The following RANBP10 variants were observed in gnomAD, a reference collection of about 807,000 sequenced individuals.
RANBP10 encodes the protein RAN binding protein 10, also known as ran-binding protein 10.
In RANBP10, 24 loss-of-function variants were observed where a neutral mutation model predicts 72.8. That is an observed-to-expected ratio of 0.33 (90% confidence interval 0.24 to 0.46). The LOEUF (loss-of-function observed/expected upper bound fraction) is 0.46. Ranked by LOEUF, RANBP10 falls within the 20% of genes least tolerant of loss-of-function variation. The probability of loss-of-function intolerance (pLI) is 1.00; values close to 1 mark genes in which losing one functional copy is unlikely to be tolerated. For synonymous variants in RANBP10, 310 were observed against 322.3 expected, an observed-to-expected ratio of 0.96 and a Z score of 0.41; for missense variants, 679 against 817.5, an observed-to-expected ratio of 0.83 and a Z score of 2.07.
intron 4 of RANBP10, among the ~76,000 whole-genome samples, chr16:67,743,928 G>A (rs1373230960): frequency 1.3e-5 from 2 of 152,172 alleles, no homozygotes; most frequent in Non-Finnish European, 2.9e-5. Flanking sequence ...CAGCACCAAA[G>A]TCTGGGCCAG....
chr16:67,736,629 G>A (rs903472455), intron 5 of RANBP10, among the ~76,000 whole-genome samples: 6 of 152,140 alleles, frequency 3.9e-5, no homozygotes, highest in Non-Finnish European at 8.8e-5. Context: ...GACCGTCACT[G>A]CCTACCATGT....
intron 4 of RANBP10, chr16:67,738,850 C>G (rs1262775217): frequency 6.6e-6 from 1 of 152,238 alleles, no homozygotes; most frequent in Non-Finnish European, 1.5e-5. Context: ...GCTCCTCCAC[C>G]CGCAAAGAAA....
intron 2 of RANBP10, among the ~76,000 whole-genome samples, chr16:67,799,024 C>T (rs1006126729): frequency 3.3e-5 from 5 of 151,870 alleles, no homozygotes; most frequent in African/African-American, 7.3e-5. Context: ...CTCCCAGGTT[C>T]GAGTGATTCT....
rs200679223 is a variant in RANBP10, at chr16:67,727,851, G to A, written c.1520C>T (p.Ala507Val). ...GCCAAACAGAATGATCCTTTCTGTG[G>A]CAGCCTGGTTGCCCCCGCAGAGCTG... ...RRQLCGGNQA[A>V]TERIILFGRE... The change falls in exon 12 of 14, where the codon GCC (alanine) becomes GTC (valine). Residue 507 changes from alanine (A) to valine (V), a missense_variant. Coordinates refer to ENST00000317506, the MANE Select transcript of RANBP10 (RefSeq NM_020850.3). 168 of 1,613,998 alleles carry A rather than the reference G, an allele frequency of 1.0e-4. No homozygotes were observed. Among genetic ancestry groups the A allele is most frequent in the Non-Finnish European group, 1.3e-4 (157 of 1,180,042 alleles).
chr16:67,734,755 A>G (rs2053805756), intron 6 of RANBP10, 103 bp downstream of exon 6: 1 of 1,219,562 alleles, frequency 8.2e-7, no homozygotes, highest in East Asian at 2.9e-5. Flanking sequence ...GAAAGGATCC[A>G]CCCGCTGGAA....
At chr16:67,804,586 A>G (rs953055875) in intron 2 of RANBP10, among the ~76,000 whole-genome samples, 1 of 152,036 alleles carries the variant, frequency 6.6e-6, no homozygotes, top group African/African-American at 2.4e-5. Context: ...ATTTTTTTTT[A>G]GAGATGGGGT....
chr16:67,746,013 G>A (rs922478166), intron 3 of RANBP10, among the ~76,000 whole-genome samples: 18 of 151,770 alleles, frequency 1.2e-4, no homozygotes, highest in African/African-American at 1.7e-4. Flanking sequence ...AAAATTAGCC[G>A]GGCATGGTGG....
chr16:67,735,938 G>A (rs929016969), intron 5 of RANBP10, among the ~76,000 whole-genome samples: 4 of 152,102 alleles, frequency 2.6e-5, no homozygotes, highest in Non-Finnish European at 5.9e-5. Context: ...TCGCTAAGAG[G>A]ATCTTCTGGC....
chr16:67,786,807 A>T (rs2054925005), intron 2 of RANBP10, among the ~76,000 whole-genome samples: 1 of 152,060 alleles, frequency 6.6e-6, no homozygotes, highest in Admixed American at 6.6e-5. Context: ...CACACCTGTT[A>T]TTCCAGCTAC....
intron 2 of RANBP10, among the ~76,000 whole-genome samples, chr16:67,779,051 G>A (rs1163491725): frequency 6.6e-6 from 1 of 151,926 alleles, no homozygotes; most frequent in African/African-American, 2.4e-5. Flanking sequence ...TCCCGCCATT[G>A]CACTCCAGAG....
At chr16:67,788,592 C>T (rs2054961859) in intron 2 of RANBP10, among the ~76,000 whole-genome samples, 1 of 151,040 alleles carries the variant, frequency 6.6e-6, no homozygotes, top group African/African-American at 2.5e-5. Context: ...GGTGTTTCAA[C>T]ATATAACCAG....
At position 67,727,889 on chromosome 16, in the gene RANBP10, C is replaced by A; in HGVS notation, c.1482G>T (p.Arg494Ser). 6.2e-7 allele frequency: 1 copy of A among 1,613,910 alleles called. No individual in the cohort carries two copies. Among genetic ancestry groups the A allele is most frequent in the Middle Eastern group, 1.6e-4 (1 of 6,062 alleles). Residue 494 changes from arginine (R) to serine (S), a missense_variant, in exon 12 of 14, where the codon AGG becomes AGT. Transcript: ENST00000317506. ...LQTDESSMDD[R>S]HPRRQLCGGN... ...CCCCGCAGAGCTGCCGCCGAGGATG[C>A]CTGTCATCTGCATCCAGAACCCAGT...
At chr16:67,806,053 T>G (rs2055412192) in intron 1 of RANBP10, among the ~76,000 whole-genome samples, 1 of 152,008 alleles carries the variant, frequency 6.6e-6, no homozygotes. Flanking sequence ...GGCCCTGGAG[T>G]GGAAGGTCCG....
At chr16:67,745,922 C>T (rs1024933144) in intron 3 of RANBP10, among the ~76,000 whole-genome samples, 6 of 151,906 alleles carry the variant, frequency 3.9e-5, no homozygotes, top group Non-Finnish European at 7.4e-5. Flanking sequence ...TTTGGGAGGC[C>T]GCAGTGGGTG....
At chr16:67,787,459 GA>G (rs1413769166) in intron 2 of RANBP10, among the ~76,000 whole-genome samples, 1 of 152,114 alleles carries the variant, frequency 6.6e-6, no homozygotes, top group East Asian at 1.9e-4. Flanking sequence ...AGCCACTATG[GA>G]AAAGTTCGGT....
intron 11 of RANBP10, 86 bp from the exon 12 acceptor site, chr16:67,727,982 G>A: frequency 6.8e-7 from 1 of 1,465,806 alleles, no homozygotes; most frequent in East Asian, 2.3e-5. Flanking sequence ...GACCCCGGGT[G>A]GGCTGCAGCT....
chr16:67,776,937 C>T (rs986269969), intron 2 of RANBP10, among the ~76,000 whole-genome samples: 8 of 151,970 alleles, frequency 5.3e-5, no homozygotes, highest in African/African-American at 1.9e-4. Flanking sequence ...TTAAGCTGGG[C>T]ACGGTGGCTC....
intron 3 of RANBP10, among the ~76,000 whole-genome samples, chr16:67,750,867 C>T (rs2054182422): frequency 6.6e-6 from 1 of 150,450 alleles, no homozygotes; most frequent in Non-Finnish European, 1.5e-5. Context: ...CCCAGGTTCA[C>T]GCCATTCTCC....
intron 2 of RANBP10, among the ~76,000 whole-genome samples, chr16:67,780,940 G>C (rs1179728094): frequency 6.6e-6 from 1 of 152,234 alleles, no homozygotes; most frequent in Non-Finnish European, 1.5e-5. Context: ...ACACATCTCA[G>C]AACACAGCTC....
Sources: allele counts gnomAD v4.1 joint callset (sites outside exome capture counted in the v4.1 genomes callset), GRCh38; gene constraint gnomAD v4.1.1; transcripts MANE v1.5; gene names NCBI Gene and HGNC (gene_info 2026-07-23, HGNC 2026-07-21).